The following PCIF1 variants were observed in gnomAD, a reference collection of about 807,000 sequenced individuals.
PCIF1 encodes the protein phosphorylated CTD interacting factor 1.
In PCIF1, 12 loss-of-function variants were observed where a neutral mutation model predicts 86.9. The ratio of observed to expected loss-of-function variants is 0.14; its 90% confidence interval spans 0.09 to 0.22. PCIF1 has a LOEUF of 0.22. Ranked by LOEUF, PCIF1 falls within the 10% of genes least tolerant of loss-of-function variation. The pLI is 1.00. For synonymous variants in PCIF1, 397 were observed against 372.0 expected, an observed-to-expected ratio of 1.07 and a Z score of -0.77; for missense variants, 701 against 951.1, an observed-to-expected ratio of 0.74 and a Z score of 3.46.
rs769740499 is a variant in PCIF1, at chr20:45,943,439, G to C, written c.905+16G>C. ...TCGAGTCCAGGTTTGCCTGTCTTCT[G>C]CCCCAGGCGAGATGGGTCTGTGATT... On this transcript the variant is annotated intron_variant, in intron 9 of 16. Transcript: ENST00000372409. This position sits in a 1 kb window ranked among gnomAD's most constrained non-coding sequence, Gnocchi z 5.5. The C allele has an allele frequency of 1.9e-6, 3 of 1,609,330 alleles. No homozygotes were observed. The highest frequency in any genetic ancestry group is 2.5e-6 in the Non-Finnish European group (3 of 1,177,532).
rs1377123883 is a variant in PCIF1, at chr20:45,934,716, A to G, written c.-276A>G. 2.3e-5 allele frequency: 9 copies of G among 398,660 alleles called. No individual in the cohort carries two copies. The allele number at this position is 398,660 out of a possible 1,614,324, so 24.7% of individuals were successfully genotyped here. A position where few individuals can be genotyped will look rare whatever the true frequency, so the allele number is the denominator to read the frequency against. On this transcript the variant is annotated 5_prime_UTR_variant, in exon 1 of 17. Coordinates refer to ENST00000372409, the MANE Select transcript of PCIF1 (RefSeq NM_022104.4). ...CCGGCCCGGGACACAAGATGGCGGC[A>G]GCGGCGCTGGGGAGGGCGAGGCGGA...
Position 45,943,638 on chromosome 20 carries a change from T to C in PCIF1, c.906-28T>C. 2 of 1,548,270 alleles carry C rather than the reference T, an allele frequency of 1.3e-6. No homozygotes were observed. Among genetic ancestry groups the C allele is most frequent in the Non-Finnish European group, 1.7e-6 (2 of 1,143,286 alleles). On this transcript the variant is annotated intron_variant, in intron 9 of 16. Coordinates refer to ENST00000372409, the MANE Select transcript of PCIF1 (RefSeq NM_022104.4). The surrounding 1 kb of genome is among the most constrained non-coding windows in gnomAD (Gnocchi z 5.5). ...GAGGAGGGTGGAGCCAAGCCATTCCTTTCTTCTGCCCTCCCCTTGACTGGC... is the reference window on the plus strand; with the variant it reads ...GAGGAGGGTGGAGCCAAGCCATTCCCTTCTTCTGCCCTCCCCTTGACTGGC...
chr20:45,938,318 ACC>A (rs1381405141), intron 2 of PCIF1, among the ~76,000 whole-genome samples: 1 of 152,182 alleles, frequency 6.6e-6, no homozygotes, highest in African/African-American at 2.4e-5. Flanking sequence ...AAATAAGGTG[ACC>A]AATTAGATTC....
At chr20:45,940,689 G>A (rs1471980071) in intron 5 of PCIF1, 77 bp downstream of exon 5, 1 of 1,574,088 alleles carries the variant, frequency 6.4e-7, no homozygotes, top group African/African-American at 1.4e-5. Context: ...TGCAGGGGCT[G>A]GGCATTGGCA....
chr20:45,940,980 T>C, intron 6 of PCIF1, 41 bp downstream of exon 6: 2 of 1,614,076 alleles, frequency 1.2e-6, no homozygotes, highest in Non-Finnish European at 1.7e-6. Flanking sequence ...CCATTGCTAA[T>C]GTCAGCCTGT....
chr20:45,943,871 C>T lies in PCIF1; in HGVS notation c.1005+106C>T. On this transcript the variant is annotated intron_variant, in intron 10 of 16. Coordinates refer to ENST00000372409, the MANE Select transcript of PCIF1 (RefSeq NM_022104.4). This position sits in a 1 kb window ranked among gnomAD's most constrained non-coding sequence, Gnocchi z 5.5. Reference sequence around the variant, plus strand: ...GCTGGGCAAGGCCTCCCCCAGCGGCCTATTCTTGTGCAGTATGGCAGACGT... The same window carrying T: ...GCTGGGCAAGGCCTCCCCCAGCGGCTTATTCTTGTGCAGTATGGCAGACGT... 3 of 871,892 alleles carry T rather than the reference C, an allele frequency of 3.4e-6. No homozygotes were observed. The highest frequency in any genetic ancestry group is 3.3e-4 in the Middle Eastern group (1 of 3,050). 54.0% of individuals were successfully genotyped at this position (871,892 alleles called of 1,614,324 possible).
At position 45,943,892 on chromosome 20, in the gene PCIF1, G is replaced by A; in HGVS notation, c.1005+127G>A. ...CGGCCTATTCTTGTGCAGTATGGCAGACGTTCGACATTCGTCAGTCCCCAA... is the reference window on the plus strand; with the variant it reads ...CGGCCTATTCTTGTGCAGTATGGCAAACGTTCGACATTCGTCAGTCCCCAA... On this transcript the variant is annotated intron_variant, in intron 10 of 16. Coordinates refer to ENST00000372409, the MANE Select transcript of PCIF1 (RefSeq NM_022104.4). This position sits in a 1 kb window ranked among gnomAD's most constrained non-coding sequence, Gnocchi z 5.5. 1.5e-6 allele frequency: 1 copy of A among 677,716 alleles called. No homozygotes were observed. The highest frequency in any genetic ancestry group is 2.5e-6 in the Non-Finnish European group (1 of 397,432). 42.0% of individuals were successfully genotyped at this position (677,716 alleles called of 1,614,324 possible). A position where few individuals can be genotyped will look rare whatever the true frequency, so the allele number is the denominator to read the frequency against.
At position 45,946,253 on chromosome 20, in the gene PCIF1, T is replaced by C; in HGVS notation, c.1482T>C (p.Pro494=). ...GGACTGGCCTGCAGGGATCGCTGCCTGTGCATGTCTTTGAGGCCCTCCACC... is the reference window on the plus strand; with the variant it reads ...GGACTGGCCTGCAGGGATCGCTGCCCGTGCATGTCTTTGAGGCCCTCCACC... ...YEGTGLQGSL[P]VHVFEALHRL... Residue 494 remains proline, a synonymous_variant, in exon 14 of 17, where the codon CCT becomes CCC. Transcript: ENST00000372409. 6.2e-7 allele frequency: 1 copy of C among 1,614,194 alleles called. No individual in the cohort carries two copies. The highest frequency in any genetic ancestry group is 8.5e-7 in the Non-Finnish European group (1 of 1,180,044).
intron 1 of PCIF1, among the ~76,000 whole-genome samples, chr20:45,935,071 T>G (rs775699501): frequency 6.6e-6 from 1 of 151,534 alleles, no homozygotes; most frequent in Non-Finnish European, 1.5e-5. Context: ...GCTCCGACTC[T>G]GAGTCGCCTC....
rs776423027 is a variant in PCIF1 at position 45,940,832 on chromosome 20, A to G, written c.411A>G (p.Thr137=). ...AGATTGAAATCCCAGTGACACCCACAGGCCAGTCGGTGCCCAGCTCCCCCA... is the reference window on the plus strand; with the variant it reads ...AGATTGAAATCCCAGTGACACCCACGGGCCAGTCGGTGCCCAGCTCCCCCA... ...KPKIEIPVTP[T]GQSVPSSPSI... Residue 137 remains threonine, a synonymous_variant, in exon 6 of 17, where the codon ACA becomes ACG. Transcript: ENST00000372409. The G allele has an allele frequency of 1.2e-6, 2 of 1,613,982 alleles. No homozygotes were observed. The highest frequency in any genetic ancestry group is 1.7e-6 in the Non-Finnish European group (2 of 1,179,914).
At chr20:45,940,177 C>G (rs1449189043) in intron 4 of PCIF1, among the ~76,000 whole-genome samples, 8 of 152,216 alleles carry the variant, frequency 5.3e-5, no homozygotes, top group African/African-American at 1.9e-4. Context: ...GTACTGATCT[C>G]ATGCCAGATG....
chr20:45,944,826 T>C, intron 10 of PCIF1, 42 bp from the exon 11 acceptor site: 1 of 1,584,536 alleles, frequency 6.3e-7, no homozygotes, highest in Non-Finnish European at 8.6e-7. Flanking sequence ...GCTGAGCCCC[T>C]CTGGCCTCCA....
rs1266190094 is a variant in PCIF1, at chr20:45,947,364, C to T, written c.1809C>T (p.Arg603=). The T allele has an allele frequency of 6.2e-7, 1 of 1,613,900 alleles. No individual in the cohort carries two copies. Among genetic ancestry groups the T allele is most frequent in the Non-Finnish European group, 8.5e-7 (1 of 1,180,032 alleles). The change falls in exon 16 of 17, where the codon CGC becomes CGT. Residue 603 remains arginine (R), a synonymous_variant. Coordinates refer to ENST00000372409, the MANE Select transcript of PCIF1 (RefSeq NM_022104.4). This position sits in a 1 kb window ranked among gnomAD's most constrained non-coding sequence, Gnocchi z 5.4. Reference sequence around the variant, plus strand: ...CGCTCACCCGCATGGAGCAGAGCCGCTTCAAACGCCACCAGTTGATCCTGC... The same window carrying T: ...CGCTCACCCGCATGGAGCAGAGCCGTTTCAAACGCCACCAGTTGATCCTGC... ...TPALTRMEQS[R]FKRHQLILPA... is the part of the protein sequence containing the mutation.
At chr20:45,935,037 C>T (rs572236050) in intron 1 of PCIF1, among the ~76,000 whole-genome samples, 2 of 152,066 alleles carry the variant, frequency 1.3e-5, no homozygotes, top group South Asian at 2.1e-4. Flanking sequence ...TCCGCTGCTG[C>T]CGCCGCCACC....
rs772588812 is a variant in PCIF1 at position 45,945,836 on chromosome 20, T to C, written c.1294T>C (p.Tyr432His). The C allele has an allele frequency of 2.5e-6, 4 of 1,613,454 alleles. No homozygotes were observed. The African/African-American group carries it at 5.3e-5, about 22-fold the overall frequency. ...GGAGAACAACGTGGTCTGCATCCGG[T>C]ATAAGGGAGAGATGGTCAAGGTCAG... The part of the protein sequence containing the change: ...HMENNVVCIR[Y>H]KGEMVKVSRN... The change falls in exon 12 of 17, where the codon TAT becomes CAT. Residue 432 changes from tyrosine (Y) to histidine (H), a missense_variant. By Grantham distance (83) the Tyr-to-His change is moderately conservative. Around this residue, in one of 7 missense-constraint regions of PCIF1, gnomAD observed 121 missense variants for 131.7 expected, o/e 0.92. Coordinates refer to ENST00000372409, the MANE Select transcript of PCIF1 (RefSeq NM_022104.4).
chr20:45,947,012 C>T lies in PCIF1; in HGVS notation c.1614-61C>T. The T allele has an allele frequency of 6.9e-7, 1 of 1,443,376 alleles. No homozygotes were observed. Among genetic ancestry groups the T allele is most frequent in the Non-Finnish European group, 9.6e-7 (1 of 1,046,432 alleles). The allele number at this position is 1,443,376 out of a possible 1,614,324, so 89.4% of individuals were successfully genotyped here. A position where few individuals can be genotyped will look rare whatever the true frequency, so the allele number is the denominator to read the frequency against. ...GGCTGCCTAGGGTTGGGGGGTGGCA[C>T]CTGTTTCTGGTTGAGGGACTGGGTC... On this transcript the variant is annotated intron_variant, in intron 14 of 16. Coordinates refer to ENST00000372409, the MANE Select transcript of PCIF1 (RefSeq NM_022104.4). This position sits in a 1 kb window ranked among gnomAD's most constrained non-coding sequence, Gnocchi z 5.4.
intron 5 of PCIF1, 35 bp from the exon 6 acceptor site, chr20:45,940,774 C>T (rs956208272): frequency 2.5e-6 from 4 of 1,607,374 alleles, no homozygotes; most frequent in Non-Finnish European, 2.6e-6. Context: ...TCTGGTGAAT[C>T]TCCTGACTTG....
chr20:45,947,663 A>C lies in PCIF1; in HGVS notation c.2023A>C (p.Ser675Arg). The change falls in exon 17 of 17, where the codon AGC becomes CGC. Residue 675 changes from serine (S) to arginine (R), a missense_variant. Around this residue, in one of 7 missense-constraint regions of PCIF1, gnomAD observed 174 missense variants for 206.9 expected, o/e 0.84. Coordinates refer to ENST00000372409, the MANE Select transcript of PCIF1 (RefSeq NM_022104.4). The surrounding 1 kb of genome is among the most constrained non-coding windows in gnomAD (Gnocchi z 5.4). The part of the protein sequence containing the change: ...AAYRQSGRSH[S>R]SGSSSSSSSE... ...CTACCGGCAGTCAGGCCGCAGCCAC[A>C]GCTCTGGTTCTTCCTCATCGTCCTC... 1.2e-6 allele frequency: 2 copies of C among 1,612,610 alleles called. No individual in the cohort carries two copies. The highest frequency in any genetic ancestry group is 1.1e-5 in the South Asian group (1 of 91,068).
chr20:45,943,049 G>A lies in PCIF1; in HGVS notation c.674-48G>A, dbSNP rs780442240. The stretch of plus-strand genomic sequence containing the variant: ...TCCTATACGTGCCAAGCTCCAAGTG[G>A]GACTGCTTGATTAAATCCAGGCCTT... On this transcript the variant is annotated intron_variant, in intron 7 of 16. Transcript: ENST00000372409. The surrounding 1 kb of genome is among the most constrained non-coding windows in gnomAD (Gnocchi z 5.5). The A allele has an allele frequency of 2.1e-5, 34 of 1,586,090 alleles. 1 individual carries two copies. In the South Asian group the frequency reaches 3.1e-4, roughly 15 times the overall value.
Sources: gnomAD v4.1 joint callset for allele counts (sites outside exome capture counted in the v4.1 genomes callset) on GRCh38, gnomAD v4.1.1 for gene constraint, gnomAD v4.1.1 regional missense constraint, Gnocchi (gnomAD v3.1) non-coding constraint, MANE v1.5 for transcripts, NCBI Gene and HGNC (gene_info 2026-07-23, HGNC 2026-07-21) for gene names.